Variants in RIMS1 observed in about 807,000 individuals in gnomAD.
RIMS1 encodes regulating synaptic membrane exocytosis protein 1.
RIMS1 carries 83 observed loss-of-function variants against 214.1 expected under a neutral mutation model. The ratio of observed to expected loss-of-function variants is 0.39; its 90% CI spans 0.32 to 0.47. RIMS1 has a LOEUF of 0.47. Among genes scored for constraint, RIMS1 ranks in the 20% least tolerant of loss-of-function variants. The pLI, the probability that RIMS1 is intolerant of heterozygous loss-of-function variation, is 0.99. For synonymous variants in RIMS1, 793 were observed against 786.8 expected (o/e 1.01, Z -0.13); for missense variants, 2,050 against 2,161.8 (o/e 0.95, Z 1.03).
rs773102604 is a variant in RIMS1, at chr6:72,400,754, T to G, written c.*40T>G. Reference sequence around the variant, plus strand: ...AGTCATTCCAATAAAACTCTACTTTTCAGGATAATAATCTGAACCAGATAT... The same window carrying G: ...AGTCATTCCAATAAAACTCTACTTTGCAGGATAATAATCTGAACCAGATAT... On this transcript the variant is annotated 3_prime_UTR_variant, in exon 34 of 34. Transcript: ENST00000521978. 1 of 1,443,514 alleles carries G rather than the reference T, an allele frequency of 6.9e-7. No homozygotes were observed. Among genetic ancestry groups the G allele is most frequent in the Non-Finnish European group, 9.7e-7 (1 of 1,035,172 alleles). 89.4% of individuals were successfully genotyped at this position (1,443,514 alleles called of 1,614,324 possible).
chr6:71,905,334 C>G (rs1288133450), intron 1 of RIMS1, among the ~76,000 whole-genome samples: 1 of 152,114 alleles, frequency 6.6e-6, no homozygotes, highest in East Asian at 1.9e-4. Flanking sequence ...ACAACTTTCT[C>G]ACTAGCATAG....
chr6:72,182,887 G>T lies in RIMS1; in HGVS notation c.1416G>T (p.Lys472Asn). The T allele has an allele frequency of 6.4e-7, 1 of 1,568,688 alleles. No homozygotes were observed. The change falls in exon 6 of 34, where the codon AAG becomes AAT. Residue 472 changes from lysine to asparagine, a missense_variant. Around this residue, in one of 6 missense-constraint regions of RIMS1, gnomAD observed 882 missense variants for 828.9 expected, o/e 1.06. Coordinates refer to ENST00000521978, the MANE Select transcript of RIMS1 (RefSeq NM_014989.7). Reference protein sequence around the residue: ...PELKAQEPLRKQSRLDPSSAV... With the variant: ...PELKAQEPLRNQSRLDPSSAV... The stretch of plus-strand genomic sequence containing the variant: ...TCAAAGCCCAGGAGCCCCTCAGGAA[G>T]CAGAGCCGCCTGGACCCCAGCTCGG...
intron 1 of RIMS1, among the ~76,000 whole-genome samples, chr6:71,916,160 GGCAATATTTAGAAA>G (rs1192952958): frequency 2.6e-5 from 4 of 152,092 alleles, no homozygotes; most frequent in African/African-American, 9.7e-5. Flanking sequence ...TGAGAAAAAT[GGCAATATTTAGAAA>G]GCAGAATAGG....
chr6:72,175,660 C>T (rs1029252405), intron 4 of RIMS1, among the ~76,000 whole-genome samples: 7 of 142,216 alleles, frequency 4.9e-5, no homozygotes, highest in African/African-American at 1.6e-4. Context: ...GCAACAGGAG[C>T]AAAACTCCAT....
intron 1 of RIMS1, among the ~76,000 whole-genome samples, chr6:71,947,311 T>G (rs1788150828): frequency 6.6e-6 from 1 of 152,216 alleles, no homozygotes; most frequent in African/African-American, 2.4e-5. Flanking sequence ...CCTCTGTACA[T>G]GAACAGATCA....
At chr6:72,214,212 T>G (rs2054707529) in intron 6 of RIMS1, among the ~76,000 whole-genome samples, 1 of 152,132 alleles carries the variant, frequency 6.6e-6, no homozygotes, top group African/African-American at 2.4e-5. Flanking sequence ...TGAATACCAT[T>G]TTGATTAATA....
chr6:72,084,539 A>G (rs141440678), intron 2 of RIMS1, among the ~76,000 whole-genome samples: 382 of 152,270 alleles, frequency 2.5e-3, no homozygotes, highest in Non-Finnish European at 4.0e-3. Flanking sequence ...CTAGGACCCA[A>G]CACATGAGCC....
intron 28 of RIMS1, among the ~76,000 whole-genome samples, chr6:72,328,223 A>G (rs1292086208): frequency 1.3e-5 from 2 of 151,832 alleles, no homozygotes; most frequent in African/African-American, 2.4e-5. Flanking sequence ...CAAACACCAC[A>G]TGTTCTCACT....
At chr6:72,400,384 T>G (rs1260548603) in intron 33 of RIMS1, 112 bp from the exon 34 acceptor site, 2 of 805,076 alleles carry the variant, frequency 2.5e-6, no homozygotes, top group East Asian at 5.1e-5. Context: ...TATTCATTAT[T>G]CTTTTCCTCT....
At chr6:72,040,379 G>A (rs1821111770) in intron 2 of RIMS1, among the ~76,000 whole-genome samples, 1 of 152,022 alleles carries the variant, frequency 6.6e-6, no homozygotes, top group Non-Finnish European at 1.5e-5. Context: ...TAGGCAGCAT[G>A]ATGATAATGT....
At chr6:72,049,080 G>A (rs935199000) in intron 2 of RIMS1, among the ~76,000 whole-genome samples, 1 of 152,184 alleles carries the variant, frequency 6.6e-6, no homozygotes, top group African/African-American at 2.4e-5. Context: ...AGCAGACCAA[G>A]CTTACACTGA....
chr6:72,315,423 T>C (rs1240103472), intron 28 of RIMS1, among the ~76,000 whole-genome samples: 1 of 152,216 alleles, frequency 6.6e-6, no homozygotes, highest in Non-Finnish European at 1.5e-5. Flanking sequence ...GTTTATTTTA[T>C]GTAAGTGGAT....
At chr6:72,242,151 C>T (rs1302339169) in intron 9 of RIMS1, among the ~76,000 whole-genome samples, 163 bp from the exon 10 acceptor site, 1 of 151,940 alleles carries the variant, frequency 6.6e-6, no homozygotes, top group African/African-American at 2.4e-5. Flanking sequence ...TTAGAAGAAC[C>T]ATTTAGCTGA....
intron 2 of RIMS1, among the ~76,000 whole-genome samples, chr6:71,981,313 G>T (rs1322956421): frequency 1.3e-5 from 2 of 152,050 alleles, no homozygotes; most frequent in African/African-American, 4.8e-5. Context: ...AAAATCATTT[G>T]CTCATGTTCA....
intron 2 of RIMS1, among the ~76,000 whole-genome samples, chr6:72,055,827 G>C (rs192637232): frequency 6.6e-6 from 1 of 152,168 alleles, no homozygotes; most frequent in Non-Finnish European, 1.5e-5. Context: ...ATGTAAATTA[G>C]TTTATCCATT....
intron 1 of RIMS1, among the ~76,000 whole-genome samples, chr6:71,951,684 T>G (rs1225993324): frequency 2.0e-5 from 3 of 149,658 alleles, no homozygotes; most frequent in Admixed American, 6.7e-5. Context: ...TTTTTAATAG[T>G]GACAGGGTCT....
chr6:72,202,257 G>A (rs2052124983), intron 6 of RIMS1, among the ~76,000 whole-genome samples: 1 of 152,154 alleles, frequency 6.6e-6, no homozygotes, highest in Admixed American at 6.5e-5. Context: ...TAAACAACAG[G>A]AATTTATTTT....
intron 2 of RIMS1, among the ~76,000 whole-genome samples, chr6:72,007,766 T>A (rs1332132752): frequency 6.6e-6 from 1 of 151,768 alleles, no homozygotes; most frequent in Non-Finnish European, 1.5e-5. Context: ...AGAAGAGAAG[T>A]TTAGAGAAAA....
chr6:72,279,558 A>G (rs1476877749), intron 23 of RIMS1, among the ~76,000 whole-genome samples: 1 of 152,074 alleles, frequency 6.6e-6, no homozygotes, highest in Non-Finnish European at 1.5e-5. Context: ...TTCTTTATGA[A>G]TAATATTGTA....
Sources: gnomAD v4.1 joint callset for allele counts (sites outside exome capture counted in the v4.1 genomes callset) on GRCh38, gnomAD v4.1.1 for gene constraint, gnomAD v4.1.1 regional missense constraint, MANE v1.5 for transcripts, NCBI Gene and HGNC (gene_info 2026-07-23, HGNC 2026-07-21) for gene names.